The following INF2 variants were observed in gnomAD, a reference collection of about 807,000 sequenced individuals.
The protein encoded by INF2 is inverted formin 2.
INF2 carries 43 observed loss-of-function variants against 123.5 expected under a neutral mutation model. The observed-to-expected ratio is 0.35, with a 90% CI of 0.27 to 0.45. The LOEUF (loss-of-function observed/expected upper bound fraction) is 0.45. INF2 is among the 20% of genes least tolerant of loss of function. INF2 has a pLI of 1.00. For synonymous variants in INF2, 851 were observed against 745.0 expected (o/e 1.14, Z -2.32); for missense variants, 1,453 against 1,682.7 (o/e 0.86, Z 2.39).
chr14:104,709,781 G>A, intron 12 of INF2, 76 bp downstream of exon 12: 1 of 1,315,178 alleles, frequency 7.6e-7, no homozygotes, highest in Admixed American at 1.7e-5. Flanking sequence ...GCAGGGCCCA[G>A]CCAGGGAGGA....
At chr14:104,704,942 T>C (rs1889707888) in intron 5 of INF2, 1 of 152,242 alleles carries the variant, frequency 6.6e-6, no homozygotes. Flanking sequence ...TCATTGTTTG[T>C]CTGAAATTCA....
intron 5 of INF2, chr14:104,704,714 CCCTAGAAGGCAAATCG>C (rs1328428898): frequency 6.5e-6 from 1 of 152,692 alleles, no homozygotes; most frequent in Non-Finnish European, 1.5e-5. Flanking sequence ...GGGACCACTG[CCCTAGAAGGCAAATCG>C]CCTACGTTAC....
In INF2 at chr14:104,711,109, A is replaced by G; in HGVS notation, c.2341A>G (p.Lys781Glu). 3.1e-6 allele frequency: 5 copies of G among 1,588,478 alleles called. No individual in the cohort carries two copies. The highest frequency in any genetic ancestry group is 2.4e-5 in the East Asian group (1 of 42,548). ...CCACACCGGTGACGCCGACGGCTTC[A>G]AGATCAGCACATTGCTGAAGCTCAC... The part of the protein sequence containing the change: ...GSHTGDADGF[K>E]ISTLLKLTET... Residue 781 changes from lysine (K) to glutamate (E), a missense_variant, in exon 15 of 23, where the codon AAG becomes GAG. Coordinates refer to ENST00000392634, the MANE Select transcript of INF2 (RefSeq NM_022489.4).
intron 1 of INF2, among the ~76,000 whole-genome samples, chr14:104,698,404 G>A (rs971425660): frequency 1.3e-5 from 2 of 152,258 alleles, no homozygotes; most frequent in African/African-American, 4.8e-5. Flanking sequence ...ACCGCCACCC[G>A]CGTTTAGCAG....
chr14:104,711,569 G>A (rs1298926070), intron 15 of INF2, 60 bp from the exon 16 acceptor site: 2 of 1,473,144 alleles, frequency 1.4e-6, no homozygotes, highest in Non-Finnish European at 1.9e-6. Context: ...GTGGGAACAG[G>A]GTCATCCCCA....
rs1431810258 is a variant in INF2 at position 104,718,828 on chromosome 14, G to C, written c.*35G>C. On this transcript the variant is annotated 3_prime_UTR_variant, in exon 23 of 23. Transcript: ENST00000392634. ...CCCAGGCCCAAGGCCAAGTGAGAGA[G>C]CCCAGGCCACAGGACATGCTGCCAT... The C allele has an allele frequency of 6.2e-7, 1 of 1,612,538 alleles. No individual in the cohort carries two copies. Among genetic ancestry groups the C allele is most frequent in the Admixed American group, 1.7e-5 (1 of 59,976 alleles).
chr14:104,691,537 G>C (rs1490094077), intron 1 of INF2, among the ~76,000 whole-genome samples: 1 of 152,168 alleles, frequency 6.6e-6, no homozygotes, highest in Non-Finnish European at 1.5e-5. Context: ...TCATGGCCCA[G>C]TGGACACATT....
chr14:104,696,805 A>G (rs4334222), intron 1 of INF2, among the ~76,000 whole-genome samples: 97,402 of 150,320 alleles, frequency 0.65, 31,810 homozygotes, highest in African/African-American at 0.76. Flanking sequence ...CGTTCTGCCC[A>G]CCCACCCCGT....
At chr14:104,713,044 G>GT (rs1890126833) in intron 18 of INF2, 52 bp downstream of exon 18, 1 of 1,609,382 alleles carries the variant, frequency 6.2e-7, no homozygotes, top group Non-Finnish European at 8.5e-7. Flanking sequence ...GGGTCCCGAG[G>GT]CCCCTGGCCT....
intron 1 of INF2, among the ~76,000 whole-genome samples, chr14:104,681,740 T>A (rs1182155329): frequency 1.3e-5 from 2 of 152,078 alleles, no homozygotes; most frequent in African/African-American, 4.8e-5. Context: ...CAGCCTGGGG[T>A]TCACTCACTG....
At chr14:104,716,153 C>T (rs1454454411) in intron 22 of INF2, 4 of 355,236 alleles carry the variant, frequency 1.1e-5, no homozygotes, top group African/African-American at 2.1e-5. Context: ...CAGGTCGTGG[C>T]GTCTTCCAGC....
At position 104,720,039 on chromosome 14, in the gene INF2, G is replaced by A. The variant is rs149024411; in HGVS notation, c.*1246G>A. On this transcript the variant is annotated 3_prime_UTR_variant, in exon 23 of 23. Coordinates refer to ENST00000392634, the MANE Select transcript of INF2 (RefSeq NM_022489.4). Reference sequence around the variant, plus strand: ...TTTGAGAATCTCTCCGTCACCCCAAGAAGTCCTCTCGCACCCATCAGTCCG... The same window carrying A: ...TTTGAGAATCTCTCCGTCACCCCAAAAAGTCCTCTCGCACCCATCAGTCCG... 191 of 152,702 alleles carry A rather than the reference G, an allele frequency of 1.3e-3. 1 individual carries two copies. The highest frequency in any genetic ancestry group is 3.4e-3 in the Middle Eastern group (1 of 298). The allele number at this position is 152,702 out of a possible 1,614,324, so 9.5% of individuals were successfully genotyped here. A position where few individuals can be genotyped will look rare whatever the true frequency, so the allele number is the denominator to read the frequency against.
intron 10 of INF2, 47 bp from the exon 11 acceptor site, chr14:104,709,234 G>A (rs1172681121): frequency 6.8e-7 from 1 of 1,460,658 alleles, no homozygotes; most frequent in Non-Finnish European, 9.5e-7. Flanking sequence ...CTGGGTGGGG[G>A]TGACTCATGA....
intron 16 of INF2, 70 bp downstream of exon 16, chr14:104,711,769 G>T: frequency 1.4e-6 from 2 of 1,438,990 alleles, no homozygotes; most frequent in South Asian, 2.4e-5. Flanking sequence ...AGGCAGTGAG[G>T]TGGCTGCCCG....
At chr14:104,698,464 G>A (rs546903468) in intron 1 of INF2, among the ~76,000 whole-genome samples, 103 of 152,362 alleles carry the variant, frequency 6.8e-4, no homozygotes, top group Non-Finnish European at 7.6e-4. Flanking sequence ...TTTCTCATAT[G>A]GATAATTCAC....
upstream of INF2, chr14:104,689,590 T>TACCCCCCCCC: frequency 1.5e-6 from 1 of 646,936 alleles, no homozygotes; most frequent in Non-Finnish European, 1.9e-6. Flanking sequence ...CTCCTCTTCC[T>TACCCCCCCCC]CCCGCCCGCC....
chr14:104,714,912 C>T (rs896113512), intron 21 of INF2, 56 bp downstream of exon 21: 13 of 1,454,998 alleles, frequency 8.9e-6, no homozygotes, highest in Middle Eastern at 4.3e-4. Flanking sequence ...GGCACCCAGC[C>T]GGTCCCTCCC....
upstream of INF2, chr14:104,689,538 C>T: frequency 1.2e-6 from 1 of 854,000 alleles, no homozygotes; most frequent in Non-Finnish European, 1.4e-6. Context: ...GCCCCCGGCC[C>T]GCGCTCGCTC....
upstream of INF2, chr14:104,689,237 C>T: frequency 1.0e-6 from 1 of 985,372 alleles, no homozygotes; most frequent in Non-Finnish European, 1.2e-6. Flanking sequence ...CGGGCCGGGG[C>T]AGAGAGAGGT....
Sources: allele counts gnomAD v4.1 joint callset (sites outside exome capture counted in the v4.1 genomes callset), GRCh38; gene constraint gnomAD v4.1.1; transcripts MANE v1.5; gene names NCBI Gene and HGNC (gene_info 2026-07-23, HGNC 2026-07-21).